GAB1: variants seen among roughly 807,000 people sequenced by gnomAD.
GAB1 encodes the protein GRB2-associated-binding protein 1.
GAB1 carries 19 observed loss-of-function variants against 66.5 expected under a neutral mutation model. The observed-to-expected ratio is 0.29, with a 90% CI of 0.20 to 0.42. The LOEUF (loss-of-function observed/expected upper bound fraction) is 0.42, where lower values mean the gene tolerates loss of function less well. GAB1 is among the 10% of genes least tolerant of loss of function. The probability of loss-of-function intolerance (pLI) is 1.00; values close to 1 mark genes in which losing one functional copy is unlikely to be tolerated. For missense variants in GAB1, 732 were observed against 858.5 expected (o/e 0.85, Z 1.84); for synonymous variants, 294 against 301.4 (o/e 0.98, Z 0.25).
At chr4:143,385,381 T>A (rs1194468284) in intron 1 of GAB1, among the ~76,000 whole-genome samples, 1 of 152,212 alleles carries the variant, frequency 6.6e-6, no homozygotes, top group African/African-American at 2.4e-5. Context: ...CAGCCTCATG[T>A]ACTGAGCTAA....
At chr4:143,379,325 G>A (rs1415669046) in intron 1 of GAB1, among the ~76,000 whole-genome samples, 1 of 152,154 alleles carries the variant, frequency 6.6e-6, no homozygotes, top group Non-Finnish European at 1.5e-5. Context: ...TTCTGGAGCA[G>A]AGAAATCTTA....
At chr4:143,428,918 G>A (rs917607070) in intron 2 of GAB1, among the ~76,000 whole-genome samples, 18 of 149,562 alleles carry the variant, frequency 1.2e-4, no homozygotes, top group South Asian at 1.1e-3. Flanking sequence ...TAATGGTGCA[G>A]CACACCAACA....
At chr4:143,383,945 C>T (rs1479571391) in intron 1 of GAB1, among the ~76,000 whole-genome samples, 1 of 152,102 alleles carries the variant, frequency 6.6e-6, no homozygotes, top group Non-Finnish European at 1.5e-5. Context: ...CGTGGTAACA[C>T]TCCCATAGTC....
chr4:143,354,683 G>A (rs1194309068), intron 1 of GAB1, among the ~76,000 whole-genome samples: 1 of 152,010 alleles, frequency 6.6e-6, no homozygotes, highest in African/African-American at 2.4e-5. Context: ...TATTTGAATA[G>A]AAAATGTGCA....
chr4:143,338,349 G>T (rs1382147416), intron 1 of GAB1, among the ~76,000 whole-genome samples: 1 of 152,094 alleles, frequency 6.6e-6, no homozygotes, highest in Non-Finnish European at 1.5e-5. Context: ...ATGCCTGTAC[G>T]AAGGGAACCC....
chr4:143,449,031 C>T (rs1367406683), intron 6 of GAB1, among the ~76,000 whole-genome samples: 6 of 151,768 alleles, frequency 4.0e-5, no homozygotes, highest in Admixed American at 6.6e-5. Context: ...TTATTTCTGC[C>T]TTCATTTCGT....
chr4:143,460,314 T>C (rs1270291010), intron 7 of GAB1, 50 bp from the exon 8 acceptor site: 3 of 1,575,892 alleles, frequency 1.9e-6, no homozygotes, highest in East Asian at 4.5e-5. Flanking sequence ...GGAATAATTT[T>C]AGATATTTTT....
At chr4:143,435,158 T>C (rs1435584855) in intron 3 of GAB1, among the ~76,000 whole-genome samples, 1 of 152,200 alleles carries the variant, frequency 6.6e-6, no homozygotes, top group Non-Finnish European at 1.5e-5. Context: ...AAAATTTTAA[T>C]GTAGAATATG....
chr4:143,381,846 C>G (rs1730670276), intron 1 of GAB1: 1 of 152,236 alleles, frequency 6.6e-6, no homozygotes, highest in African/African-American at 2.4e-5. Flanking sequence ...CTCTTCCACT[C>G]TCCCTGCACG....
intron 1 of GAB1, among the ~76,000 whole-genome samples, chr4:143,386,767 G>T (rs993046526): frequency 9.2e-5 from 14 of 152,172 alleles, no homozygotes; most frequent in African/African-American, 3.4e-4. Flanking sequence ...GTCAAATGAG[G>T]TCAGGTATGT....
At chr4:143,432,314 G>A (rs1251180934) in intron 2 of GAB1, among the ~76,000 whole-genome samples, 1 of 152,096 alleles carries the variant, frequency 6.6e-6, no homozygotes, top group African/African-American at 2.4e-5. Flanking sequence ...TTTTTGGTTT[G>A]CATCTTACCC....
chr4:143,344,360 T>C (rs1728923452), intron 1 of GAB1, among the ~76,000 whole-genome samples: 1 of 152,220 alleles, frequency 6.6e-6, no homozygotes, highest in African/African-American at 2.4e-5. Flanking sequence ...CGCATCAACA[T>C]GGCGCCTAAT....
At chr4:143,401,827 AT>A (rs1731788257) in intron 1 of GAB1, among the ~76,000 whole-genome samples, 1 of 139,090 alleles carries the variant, frequency 7.2e-6, no homozygotes, top group Non-Finnish European at 1.6e-5. Flanking sequence ...TGCTGGCGAG[AT>A]TATGTATAAT....
intron 1 of GAB1, among the ~76,000 whole-genome samples, chr4:143,380,215 T>G (rs1730600877): frequency 6.6e-6 from 1 of 152,008 alleles, no homozygotes; most frequent in South Asian, 2.1e-4. Flanking sequence ...ATTTTTACAT[T>G]CTGTGTACAA....
chr4:143,423,147 G>C (rs1362903526), intron 2 of GAB1, among the ~76,000 whole-genome samples: 1 of 152,202 alleles, frequency 6.6e-6, no homozygotes, highest in African/African-American at 2.4e-5. Flanking sequence ...ACAGTGCAAT[G>C]CTTGTATTAA....
At chr4:143,388,427 G>A (rs1731017521) in intron 1 of GAB1, among the ~76,000 whole-genome samples, 2 of 152,084 alleles carry the variant, frequency 1.3e-5, no homozygotes, top group South Asian at 4.1e-4. Flanking sequence ...GTTTTTTTGT[G>A]TGTGCGAGAC....
At chr4:143,449,771 G>T (rs1216479302) in intron 6 of GAB1, among the ~76,000 whole-genome samples, 1 of 151,908 alleles carries the variant, frequency 6.6e-6, no homozygotes, top group Non-Finnish European at 1.5e-5. Context: ...CTTTCAATTG[G>T]AGCATTTAGT....
At chr4:143,435,928 A>C (rs1281469227) in intron 3 of GAB1, among the ~76,000 whole-genome samples, 3 of 152,190 alleles carry the variant, frequency 2.0e-5, no homozygotes, top group African/African-American at 7.2e-5. Context: ...TTATGCCTTC[A>C]TATCTTGTTT....
At chr4:143,435,587 T>C (rs1029862596) in intron 3 of GAB1, among the ~76,000 whole-genome samples, 54 of 152,218 alleles carry the variant, frequency 3.5e-4, no homozygotes, top group Admixed American at 2.6e-4. Flanking sequence ...TATTTTGCTA[T>C]CTATATTTTG....
Sources: allele counts gnomAD v4.1 joint callset (sites outside exome capture counted in the v4.1 genomes callset), GRCh38; gene constraint gnomAD v4.1.1; transcripts MANE v1.5; gene names NCBI Gene and HGNC (gene_info 2026-07-23, HGNC 2026-07-21).